The following GOSR1 variants were observed in gnomAD, a reference collection of about 807,000 sequenced individuals.
GOSR1 encodes 28 kDa Golgi SNARE protein.
GOSR1 carries 21 observed loss-of-function variants against 35.5 expected under a neutral mutation model. The ratio of observed to expected loss-of-function variants is 0.59; its 90% CI spans 0.42 to 0.85. The LOEUF (loss-of-function observed/expected upper bound fraction) is 0.85. GOSR1 is among the 40% of genes least tolerant of loss of function. The pLI is 0.00. For synonymous variants in GOSR1, 94 were observed against 106.6 expected, an observed-to-expected ratio of 0.88 and a Z score of 0.73; for missense variants, 285 against 309.6, an observed-to-expected ratio of 0.92 and a Z score of 0.60.
chr17:30,516,206 C>T (rs1379418744), intron 7 of GOSR1, among the ~76,000 whole-genome samples: 2 of 152,120 alleles, frequency 1.3e-5, no homozygotes, highest in Non-Finnish European at 2.9e-5. Context: ...CGCGGTGGCT[C>T]ACGCCTGTAA....
intron 6 of GOSR1, chr17:30,495,344 A>G (rs948940984): frequency 3.9e-5 from 17 of 438,050 alleles, no homozygotes; most frequent in Non-Finnish European, 7.3e-5. Context: ...CAGGCATATG[A>G]TGCTTTTTCT....
Position 30,523,620 on chromosome 17 carries a change from A to C in GOSR1, c.*1242A>C, listed in dbSNP as rs1342032130. 3 of 149,432 alleles carry C rather than the reference A, an allele frequency of 2.0e-5. No homozygotes were observed. Among genetic ancestry groups the C allele is most frequent in the Non-Finnish European group, 4.2e-5 (3 of 70,732 alleles). 9.3% of individuals were successfully genotyped at this position (149,432 alleles called of 1,614,324 possible). Reference sequence around the variant, plus strand: ...CGGCCAGCCGCCCCGTCCGGGAGGGAGGTGGGGGGCGCCTCTGCCCGGCCG... The same window carrying C: ...CGGCCAGCCGCCCCGTCCGGGAGGGCGGTGGGGGGCGCCTCTGCCCGGCCG... On this transcript the variant is annotated 3_prime_UTR_variant, in exon 9 of 9. Coordinates refer to ENST00000451249, the MANE Select transcript of GOSR1 (RefSeq NM_001007025.2).
Position 30,526,562 on chromosome 17 carries a change from G to A in GOSR1, c.*4184G>A, listed in dbSNP as rs1968186613. On this transcript the variant is annotated 3_prime_UTR_variant, in exon 9 of 9. Transcript: ENST00000451249. ...CATTCCCACCCTGTTAGCTCTTAAG[G>A]GAGGAGGGAAATCAATTCCAACCAT... is the stretch of plus-strand genomic sequence containing the variant. 1 of 152,568 alleles carries A rather than the reference G, an allele frequency of 6.6e-6. No homozygotes were observed. The highest frequency in any genetic ancestry group is 2.4e-5 in the African/African-American group (1 of 41,434). The allele number at this position is 152,568 out of a possible 1,614,324, so 9.5% of individuals were successfully genotyped here.
chr17:30,499,919 A>C (rs928502857), intron 6 of GOSR1, among the ~76,000 whole-genome samples: 4 of 152,162 alleles, frequency 2.6e-5, no homozygotes, highest in African/African-American at 9.7e-5. Flanking sequence ...GTGCTTATTA[A>C]CCATTCACGT....
chr17:30,489,106 A>G (rs1479461860), intron 4 of GOSR1, among the ~76,000 whole-genome samples: 1 of 152,186 alleles, frequency 6.6e-6, no homozygotes, highest in Non-Finnish European at 1.5e-5. Flanking sequence ...TTTCCTGGCC[A>G]GGTGCAGTGG....
At position 30,522,986 on chromosome 17, in the gene GOSR1, G is replaced by T; in HGVS notation, c.*608G>T. The T allele has an allele frequency of 4.8e-6, 1 of 208,302 alleles. No homozygotes were observed. The highest frequency in any genetic ancestry group is 6.5e-5 in the South Asian group (1 of 15,384). The allele number at this position is 208,302 out of a possible 1,614,324, so 12.9% of individuals were successfully genotyped here. A position where few individuals can be genotyped will look rare whatever the true frequency, so the allele number is the denominator to read the frequency against. ...GAGCGCCGCCACGCCTGACTGCCTCGGCCTCCCGAGGTGCCGGGATTGCAG... is the reference window on the plus strand; with the variant it reads ...GAGCGCCGCCACGCCTGACTGCCTCTGCCTCCCGAGGTGCCGGGATTGCAG... On this transcript the variant is annotated 3_prime_UTR_variant, in exon 9 of 9. Coordinates refer to ENST00000451249, the MANE Select transcript of GOSR1 (RefSeq NM_001007025.2).
In GOSR1 at chr17:30,523,075, C is replaced by T. The variant is rs1032464743; in HGVS notation, c.*697C>T. The T allele has an allele frequency of 9.8e-4, 174 of 176,756 alleles. No individual in the cohort carries two copies. The highest frequency in any genetic ancestry group is 1.3e-4 in the Non-Finnish European group (11 of 83,468). The allele number at this position is 176,756 out of a possible 1,614,324, so 10.9% of individuals were successfully genotyped here. A position where few individuals can be genotyped will look rare whatever the true frequency, so the allele number is the denominator to read the frequency against. The stretch of plus-strand genomic sequence containing the variant: ...CTGGAGTGCAGTGGCGTGATCTCGG[C>T]TCACTACAACCTCCACCTCCCAGCC... On this transcript the variant is annotated 3_prime_UTR_variant, in exon 9 of 9. Transcript: ENST00000451249.
chr17:30,493,161 A>C (rs1915154050), intron 6 of GOSR1, among the ~76,000 whole-genome samples: 1 of 151,684 alleles, frequency 6.6e-6, no homozygotes, highest in Non-Finnish European at 1.5e-5. Flanking sequence ...TGCCTGGCTA[A>C]TTTTTTTGTA....
chr17:30,495,394 G>C, intron 6 of GOSR1: 1 of 455,138 alleles, frequency 2.2e-6, no homozygotes, highest in South Asian at 1.6e-5. Context: ...TACGTCTTCT[G>C]TATTTACCTT....
At position 30,523,433 on chromosome 17, in the gene GOSR1, G is replaced by C. The variant is rs1968113956; in HGVS notation, c.*1055G>C. ...CCTCCGCCCGGCAGCCGCCCTGTCT[G>C]AGAAGTGAGGAGCCCCTCCGCCCGG... On this transcript the variant is annotated 3_prime_UTR_variant, in exon 9 of 9. Transcript: ENST00000451249. 2.4e-5 allele frequency: 4 copies of C among 169,308 alleles called. No individual in the cohort carries two copies. In the South Asian group the frequency reaches 5.9e-4, roughly 25 times the overall value. 10.5% of individuals were successfully genotyped at this position (169,308 alleles called of 1,614,324 possible). A position where few individuals can be genotyped will look rare whatever the true frequency, so the allele number is the denominator to read the frequency against.
rs1246295261 is a variant in GOSR1, at chr17:30,522,281, T to A, written c.650T>A (p.Ile217Asn). 6.2e-7 allele frequency: 1 copy of A among 1,610,144 alleles called. No individual in the cohort carries two copies. The highest frequency in any genetic ancestry group is 8.5e-7 in the Non-Finnish European group (1 of 1,177,872). Residue 217 changes from isoleucine to asparagine, a missense_variant, in exon 9 of 9, where the codon ATC becomes AAC. By Grantham distance (149) the Ile-to-Asn change is moderately radical. Transcript: ENST00000451249. ...ANRFPAVNSL[I>N]QRINLRKRRD... is the part of the protein sequence containing the mutation. The stretch of plus-strand genomic sequence containing the variant: ...CGTTTTCCTGCTGTAAACAGCCTGA[T>A]CCAGAGGATCAACCTGAGGAAGCGG...
At chr17:30,485,905 C>A (rs749209835) in intron 4 of GOSR1, among the ~76,000 whole-genome samples, 1 of 151,332 alleles carries the variant, frequency 6.6e-6, no homozygotes, top group Non-Finnish European at 1.5e-5. Context: ...GCCTGTAATC[C>A]CAGCTACTTG....
chr17:30,495,050 T>G (rs550274910), intron 6 of GOSR1, among the ~76,000 whole-genome samples: 12 of 151,934 alleles, frequency 7.9e-5, no homozygotes, highest in African/African-American at 2.9e-4. Flanking sequence ...TAGCCGGGTA[T>G]GGTGGTGGGC....
At chr17:30,514,147 G>T (rs978661003) in intron 7 of GOSR1, among the ~76,000 whole-genome samples, 1 of 152,182 alleles carries the variant, frequency 6.6e-6, no homozygotes, top group Non-Finnish European at 1.5e-5. Flanking sequence ...AAAGGAAGTT[G>T]TTTGTTAAGC....
intron 6 of GOSR1, among the ~76,000 whole-genome samples, chr17:30,493,408 C>T (rs574648878): frequency 3.3e-4 from 51 of 152,322 alleles, no homozygotes; most frequent in Middle Eastern, 6.8e-3. Context: ...TGGGCTTCGT[C>T]ATTGCCCTCA....
intron 7 of GOSR1, among the ~76,000 whole-genome samples, chr17:30,516,702 T>C (rs1234548467): frequency 6.6e-6 from 1 of 152,128 alleles, no homozygotes; most frequent in African/African-American, 2.4e-5. Context: ...TTCAAGTTAA[T>C]AGAAATACTA....
At chr17:30,512,067 T>C (rs1967636187) in intron 7 of GOSR1, among the ~76,000 whole-genome samples, 1 of 152,214 alleles carries the variant, frequency 6.6e-6, no homozygotes, top group Non-Finnish European at 1.5e-5. Flanking sequence ...TTTAAACCAC[T>C]GCTATATTTA....
At chr17:30,490,699 C>G (rs1914989182) in intron 5 of GOSR1, among the ~76,000 whole-genome samples, 1 of 152,224 alleles carries the variant, frequency 6.6e-6, no homozygotes, top group African/African-American at 2.4e-5. Context: ...TACAAACTCA[C>G]TCATAGCCTT....
rs554644639 is a variant in GOSR1, at chr17:30,490,367, T to C, written c.434+150T>C. On this transcript the variant is annotated intron_variant, in intron 5 of 8. Transcript: ENST00000451249. The stretch of plus-strand genomic sequence containing the variant: ...TTCACTGTCTTTTTAACATTGCTGC[T>C]ACAATGTCATCCTAATCTACTTTTC... 7.6e-6 allele frequency: 4 copies of C among 524,314 alleles called. No homozygotes were observed. In the East Asian group the frequency reaches 1.2e-4, roughly 16 times the overall value. The allele number at this position is 524,314 out of a possible 1,614,324, so 32.5% of individuals were successfully genotyped here.
Sources: allele counts gnomAD v4.1 joint callset (sites outside exome capture counted in the v4.1 genomes callset), GRCh38; gene constraint gnomAD v4.1.1; transcripts MANE v1.5; gene names NCBI Gene and HGNC (gene_info 2026-07-23, HGNC 2026-07-21).